The following AGBL1 variants were observed in gnomAD, a reference collection of about 807,000 sequenced individuals.
AGBL1 encodes the protein cytosolic carboxypeptidase 4.
In AGBL1, 130 loss-of-function variants were observed where a neutral mutation model predicts 118.9. That is an observed-to-expected ratio of 1.09 (90% CI 0.95 to 1.26). AGBL1 has a LOEUF of 1.26. AGBL1 is among the 50% of genes most tolerant of loss of function. The pLI, the probability that AGBL1 is intolerant of heterozygous loss-of-function variation, is 0.00. For missense variants in AGBL1, 1,584 were observed against 1,298.1 expected (o/e 1.22, Z -3.38); for synonymous variants, 555 against 478.9 (o/e 1.16, Z -2.08).
chr15:86,296,690 T>C (rs2079650486), intron 17 of AGBL1: 1 of 152,212 alleles, frequency 6.6e-6, no homozygotes, highest in Admixed American at 6.5e-5. Context: ...CTAAAATGCT[T>C]TAATGAATAA....
At chr15:86,539,629 C>T (rs527616731) in intron 19 of AGBL1, among the ~76,000 whole-genome samples, 3 of 152,226 alleles carry the variant, frequency 2.0e-5, no homozygotes, top group Admixed American at 6.5e-5. Flanking sequence ...TCTCCTTTCA[C>T]TCTACCCTCT....
chr15:86,495,400 A>T (rs1052239992), intron 18 of AGBL1, among the ~76,000 whole-genome samples: 19 of 63,122 alleles, frequency 3.0e-4, no homozygotes, highest in South Asian at 1.2e-3. Context: ...TCTTTTTTTT[A>T]AAAAAAAAAC....
chr15:86,344,863 A>T (rs1007649268), intron 17 of AGBL1, among the ~76,000 whole-genome samples: 1 of 152,004 alleles, frequency 6.6e-6, no homozygotes, highest in Admixed American at 6.6e-5. Flanking sequence ...TTAATGGAAA[A>T]ACATGGACGG....
At chr15:86,626,480 A>G (rs1286077514) in intron 21 of AGBL1, among the ~76,000 whole-genome samples, 1 of 152,190 alleles carries the variant, frequency 6.6e-6, no homozygotes, top group Non-Finnish European at 1.5e-5. Flanking sequence ...TGAGAGGAAC[A>G]GCACACACTG....
At chr15:86,803,465 T>C (rs2078677591) in intron 22 of AGBL1, among the ~76,000 whole-genome samples, 1 of 152,180 alleles carries the variant, frequency 6.6e-6, no homozygotes, top group Non-Finnish European at 1.5e-5. Flanking sequence ...GTTATTTCTT[T>C]ATAGCAGTGT....
intron 17 of AGBL1, among the ~76,000 whole-genome samples, chr15:86,303,156 G>A (rs535971326): frequency 3.0e-4 from 45 of 152,264 alleles, no homozygotes; most frequent in African/African-American, 7.9e-4. Flanking sequence ...TGGAAAAGAC[G>A]ATTAAACACT....
At chr15:86,659,595 A>G (rs2085509248) in intron 21 of AGBL1, among the ~76,000 whole-genome samples, 1 of 152,098 alleles carries the variant, frequency 6.6e-6, no homozygotes, top group Admixed American at 6.5e-5. Context: ...TTCATTGACA[A>G]TACATCCCAG....
chr15:86,271,660 G>A lies in AGBL1; in HGVS notation c.2029G>A (p.Gly677Ser). 1 of 1,613,384 alleles carries A rather than the reference G, an allele frequency of 6.2e-7. No individual in the cohort carries two copies. Among genetic ancestry groups the A allele is most frequent in the South Asian group, 1.1e-5 (1 of 91,070 alleles). Residue 677 changes from glycine to serine, a missense_variant, in exon 15 of 23, where the codon GGC becomes AGC. By Grantham distance (56) the Gly-to-Ser change is moderately conservative. Transcript: ENST00000614907. ...ATATTCTGTGAAGGAGGCTCTTCTTGGCAAACCCACCTGGATAAGGACAGG... is the reference window on the plus strand; with the variant it reads ...ATATTCTGTGAAGGAGGCTCTTCTTAGCAAACCCACCTGGATAAGGACAGG... ...TLYSVKEALL[G>S]KPTWIRTGHE...
intron 16 of AGBL1, among the ~76,000 whole-genome samples, chr15:86,284,400 T>C (rs937902045): frequency 6.6e-6 from 1 of 152,208 alleles, no homozygotes; most frequent in Non-Finnish European, 1.5e-5. Flanking sequence ...TAGAGACTAA[T>C]CATTTCTCAC....
chr15:87,020,238 T>TAAAG (rs1174120293), intron 24 of AGBL1, among the ~76,000 whole-genome samples: 7 of 151,632 alleles, frequency 4.6e-5, no homozygotes, highest in African/African-American at 1.2e-4. Context: ...TAAACAGAAC[T>TAAAG]AAAGACAAAA....
chr15:86,869,585 AT>A (rs1328430032), intron 22 of AGBL1, among the ~76,000 whole-genome samples: 2 of 148,958 alleles, frequency 1.3e-5, no homozygotes, highest in Non-Finnish European at 3.0e-5. Flanking sequence ...GACCCTGTAG[AT>A]CCGATATGTG....
chr15:86,779,853 C>T (rs1203365930), intron 22 of AGBL1, among the ~76,000 whole-genome samples: 1 of 151,752 alleles, frequency 6.6e-6, no homozygotes, highest in Non-Finnish European at 1.5e-5. Context: ...AACTTTTGTT[C>T]ATCGTTGTAT....
intron 6 of AGBL1, among the ~76,000 whole-genome samples, chr15:86,231,282 G>T (rs975393024): frequency 2.6e-5 from 4 of 152,174 alleles, no homozygotes; most frequent in Non-Finnish European, 5.9e-5. Flanking sequence ...GACTAAGAAA[G>T]AATTCCAGGT....
At chr15:86,416,506 G>A (rs747489535) in intron 18 of AGBL1, among the ~76,000 whole-genome samples, 1 of 152,092 alleles carries the variant, frequency 6.6e-6, no homozygotes, top group African/African-American at 2.4e-5. Flanking sequence ...CAGCCAGCAA[G>A]ACTCCTTTCA....
chr15:86,118,770 G>T (rs1392795183), intron 1 of AGBL1, among the ~76,000 whole-genome samples: 3 of 151,804 alleles, frequency 2.0e-5, no homozygotes. Context: ...TGGGTGGGGT[G>T]GGGTGGTGGG....
At chr15:86,444,556 G>A (rs1444053905) in intron 18 of AGBL1, among the ~76,000 whole-genome samples, 1 of 152,186 alleles carries the variant, frequency 6.6e-6, no homozygotes, top group African/African-American at 2.4e-5. Flanking sequence ...ACCTGCCTAA[G>A]ACCTGAGTGG....
chr15:86,226,003 G>A (rs955910321), intron 6 of AGBL1, among the ~76,000 whole-genome samples: 2 of 152,248 alleles, frequency 1.3e-5, no homozygotes, highest in Admixed American at 1.3e-4. Context: ...CATGAGATAA[G>A]CTTGATAAGC....
At chr15:86,700,811 T>C (rs1405865043) in intron 22 of AGBL1, among the ~76,000 whole-genome samples, 1 of 152,098 alleles carries the variant, frequency 6.6e-6, no homozygotes, top group Non-Finnish European at 1.5e-5. Context: ...AGATACCTGA[T>C]ACCATGAAAG....
In AGBL1 at chr15:86,674,454, G is replaced by T. The variant is rs775329101; in HGVS notation, c.3158+18G>T. On this transcript the variant is annotated intron_variant, in intron 22 of 22. Transcript: ENST00000614907. The stretch of plus-strand genomic sequence containing the variant: ...CTCCAACGGTAAGATGCTCCCAAGG[G>T]CTCAGAGAAATTTGGACCTTGGTGG... The T allele has an allele frequency of 2.5e-6, 4 of 1,591,486 alleles. No homozygotes were observed. In the Admixed American group the frequency reaches 5.1e-5, roughly 20 times the overall value.
Sources: allele counts gnomAD v4.1 joint callset (sites outside exome capture counted in the v4.1 genomes callset), GRCh38; gene constraint gnomAD v4.1.1; transcripts MANE v1.5; gene names NCBI Gene and HGNC (gene_info 2026-07-23, HGNC 2026-07-21).